VWA8: variants seen among roughly 807,000 people sequenced by gnomAD.
The protein encoded by VWA8 is von Willebrand factor A domain containing 8.
Under a neutral mutation model 241.5 loss-of-function variants are expected in VWA8, and 221 were observed. That is an observed-to-expected ratio of 0.91 (90% confidence interval 0.82 to 1.02). The LOEUF is 1.02. Ranked by LOEUF, VWA8 falls within the 50% of genes least tolerant of loss-of-function variation. The pLI is 0.00. For missense variants in VWA8, 2,322 were observed against 2,328.7 expected, an observed-to-expected ratio of 1.00 and a Z score of 0.06; for synonymous variants, 852 against 827.1, an observed-to-expected ratio of 1.03 and a Z score of -0.52.
intron 37 of VWA8, among the ~76,000 whole-genome samples, chr13:41,667,869 G>A (rs2044996784): frequency 6.6e-6 from 1 of 152,050 alleles, no homozygotes; most frequent in Non-Finnish European, 1.5e-5. Context: ...CTTTCAGTTT[G>A]TTGTTATGGT....
chr13:41,588,255 C>A (rs932539288), intron 41 of VWA8, among the ~76,000 whole-genome samples: 9 of 152,218 alleles, frequency 5.9e-5, no homozygotes, highest in South Asian at 2.1e-4. Context: ...TCTCTTCCTT[C>A]CACATTACTG....
At chr13:41,619,638 C>T (rs545646427) in intron 37 of VWA8, among the ~76,000 whole-genome samples, 66 of 152,096 alleles carry the variant, frequency 4.3e-4, no homozygotes, top group Admixed American at 4.1e-3. Flanking sequence ...TTTTGAGATA[C>T]GTTCCATCAA....
At chr13:41,713,246 T>C (rs1566425194) in intron 26 of VWA8, among the ~76,000 whole-genome samples, 1 of 152,198 alleles carries the variant, frequency 6.6e-6, no homozygotes, top group Non-Finnish European at 1.5e-5. Context: ...GGAGAGTCAA[T>C]AGACATTTTA....
At chr13:41,906,248 G>GT (rs1875710639) in intron 4 of VWA8, among the ~76,000 whole-genome samples, 1 of 151,900 alleles carries the variant, frequency 6.6e-6, no homozygotes, top group Non-Finnish European at 1.5e-5. Flanking sequence ...TAATTATAAC[G>GT]TAACAGTGTG....
intron 37 of VWA8, among the ~76,000 whole-genome samples, chr13:41,661,175 T>G (rs1401402629): frequency 6.6e-6 from 1 of 152,178 alleles, no homozygotes; most frequent in African/African-American, 2.4e-5. Context: ...AGAATTCAGT[T>G]TTCTGTTATC....
intron 12 of VWA8, among the ~76,000 whole-genome samples, chr13:41,852,311 T>C (rs1872559169): frequency 6.6e-6 from 1 of 152,192 alleles, no homozygotes; most frequent in Non-Finnish European, 1.5e-5. Context: ...TGCTACTAAG[T>C]TGAGTTCCTT....
chr13:41,875,895 T>C (rs915318297), intron 9 of VWA8, among the ~76,000 whole-genome samples: 3 of 152,114 alleles, frequency 2.0e-5, no homozygotes, highest in South Asian at 2.1e-4. Context: ...AGTTGGCTAA[T>C]AGGCATCTTA....
chr13:41,699,660 C>A (rs2045237332), intron 28 of VWA8, among the ~76,000 whole-genome samples: 1 of 152,192 alleles, frequency 6.6e-6, no homozygotes, highest in African/African-American at 2.4e-5. Flanking sequence ...TGGTCAATGT[C>A]TTCTATCTGC....
chr13:41,576,312 A>G (rs1415437566), intron 42 of VWA8, among the ~76,000 whole-genome samples: 1 of 152,196 alleles, frequency 6.6e-6, no homozygotes, highest in Non-Finnish European at 1.5e-5. Context: ...AGAGTTTGCA[A>G]TCAAGTTGGG....
chr13:41,687,885 T>C (rs181394049), intron 34 of VWA8, among the ~76,000 whole-genome samples: 1 of 152,280 alleles, frequency 6.6e-6, no homozygotes, highest in East Asian at 1.9e-4. Context: ...TAAGAATTTC[T>C]ACAAGGTTAA....
chr13:41,797,040 T>C (rs1442785700), intron 17 of VWA8, among the ~76,000 whole-genome samples: 7 of 152,164 alleles, frequency 4.6e-5, no homozygotes, highest in Non-Finnish European at 7.4e-5. Flanking sequence ...TTTTCTTTTT[T>C]TCTTTTTTGA....
At chr13:41,799,972 C>T (rs1169931607) in intron 17 of VWA8, among the ~76,000 whole-genome samples, 15 of 152,304 alleles carry the variant, frequency 9.8e-5, no homozygotes. Context: ...CAGGCTACTA[C>T]CAATCTACTT....
At chr13:41,684,922 T>C in intron 35 of VWA8, 125 bp downstream of exon 35, 1 of 895,918 alleles carries the variant, frequency 1.1e-6, no homozygotes, top group South Asian at 1.8e-5. Flanking sequence ...TAGTTACTTC[T>C]AAACTTGTCG....
intron 9 of VWA8, among the ~76,000 whole-genome samples, chr13:41,878,515 A>T (rs1479567196): frequency 1.3e-5 from 2 of 152,124 alleles, no homozygotes; most frequent in East Asian, 3.8e-4. Flanking sequence ...TTACAAAAAG[A>T]AAGTACTTCA....
chr13:41,822,797 C>T (rs1461810264), intron 14 of VWA8, among the ~76,000 whole-genome samples: 2 of 152,124 alleles, frequency 1.3e-5, no homozygotes, highest in African/African-American at 4.8e-5. Context: ...TATCAATGTA[C>T]ATAACAACAT....
chr13:41,772,442 A>AAAAAC (rs1401512167), intron 20 of VWA8, among the ~76,000 whole-genome samples: 6 of 126,300 alleles, frequency 4.8e-5, no homozygotes, highest in African/African-American at 1.3e-4. Flanking sequence ...ACTGTGACAA[A>AAAAAC]AAAACAAAAC....
chr13:41,690,063 A>C, intron 33 of VWA8, 103 bp downstream of exon 33: 1 of 995,400 alleles, frequency 1.0e-6, no homozygotes, highest in South Asian at 2.4e-5. Context: ...TTTTGGTGTA[A>C]ACTTAACATA....
chr13:41,840,334 G>T (rs986980032), intron 12 of VWA8, among the ~76,000 whole-genome samples: 3 of 152,000 alleles, frequency 2.0e-5, no homozygotes, highest in African/African-American at 4.8e-5. Flanking sequence ...GCTAGAGGAG[G>T]GATAGCATTA....
intron 16 of VWA8, 60 bp downstream of exon 16, chr13:41,816,637 AG>A: frequency 6.7e-7 from 1 of 1,499,246 alleles, no homozygotes; most frequent in Non-Finnish European, 9.1e-7. Flanking sequence ...CTGAATTCTA[AG>A]AAAAGAAAAC....
Sources: gnomAD v4.1 joint callset for allele counts (sites outside exome capture counted in the v4.1 genomes callset) on GRCh38, gnomAD v4.1.1 for gene constraint, MANE v1.5 for transcripts, NCBI Gene and HGNC (gene_info 2026-07-23, HGNC 2026-07-21) for gene names.